The following PCDH15 variants were observed in gnomAD, a reference collection of about 807,000 sequenced individuals.
PCDH15 encodes protocadherin-15.
Under a neutral mutation model 178.5 loss-of-function variants are expected in PCDH15, and 129 were observed. The observed-to-expected ratio is 0.72, with a 90% CI of 0.63 to 0.84. The LOEUF (loss-of-function observed/expected upper bound fraction) is 0.84. PCDH15 is among the 40% of genes least tolerant of loss of function. PCDH15 has a pLI of 0.00. For missense variants in PCDH15, 2,230 were observed against 2,099.9 expected (o/e 1.06, Z -1.21); for synonymous variants, 800 against 732.0 (o/e 1.09, Z -1.50).
chr10:54,532,117 G>A (rs2083991004), intron 2 of PCDH15, among the ~76,000 whole-genome samples: 1 of 152,052 alleles, frequency 6.6e-6, no homozygotes, highest in Non-Finnish European at 1.5e-5. Flanking sequence ...TTTCCTAACT[G>A]CTTTCCTTAC....
At chr10:55,576,965 C>T (rs1172475856) in intron 2 of PCDH15, among the ~76,000 whole-genome samples, 1 of 152,050 alleles carries the variant, frequency 6.6e-6, no homozygotes, top group African/African-American at 2.4e-5. Context: ...GTTTTGAGGC[C>T]AGGCATGGTG....
At chr10:54,101,872 G>A (rs1474460144) in intron 15 of PCDH15, among the ~76,000 whole-genome samples, 1 of 152,104 alleles carries the variant, frequency 6.6e-6, no homozygotes, top group Non-Finnish European at 1.5e-5. Flanking sequence ...CTACTTGGGA[G>A]GCTGAGGTGG....
chr10:55,156,355 G>A (rs769949230), intron 2 of PCDH15, among the ~76,000 whole-genome samples: 2 of 152,112 alleles, frequency 1.3e-5, no homozygotes, highest in Admixed American at 6.6e-5. Flanking sequence ...ATGTACTGAT[G>A]GTTGTGGTCT....
chr10:54,804,941 A>ATATATATATATATATATATATATATG (rs1325598134), upstream of PCDH15, among the ~76,000 whole-genome samples: 11 of 133,222 alleles, frequency 8.3e-5, 1 homozygote, highest in Non-Finnish European at 1.6e-5. Flanking sequence ...ATATATATAT[A>ATATATATATATATATATATATATATG]TATATATACA....
intron 5 of PCDH15, among the ~76,000 whole-genome samples, chr10:54,352,617 T>C (rs181280203): frequency 5.9e-5 from 9 of 152,198 alleles, no homozygotes; most frequent in Non-Finnish European, 1.2e-4. Flanking sequence ...AGGTGCTCTA[T>C]TTCTACTAAT....
At chr10:55,374,120 A>AATAATG (rs1000217113) in intron 2 of PCDH15, among the ~76,000 whole-genome samples, 2 of 150,138 alleles carry the variant, frequency 1.3e-5, no homozygotes. Context: ...TAATAATAAT[A>AATAATG]ATAAAAGAAT....
At chr10:55,407,309 G>C (rs1838222833) in intron 2 of PCDH15, among the ~76,000 whole-genome samples, 1 of 152,142 alleles carries the variant, frequency 6.6e-6, no homozygotes, top group Admixed American at 6.6e-5. Context: ...AAGAAAAAGA[G>C]TAGGGAATGT....
intron 21 of PCDH15, among the ~76,000 whole-genome samples, chr10:53,977,486 T>C (rs966792962): frequency 3.9e-5 from 6 of 152,214 alleles, no homozygotes; most frequent in Admixed American, 6.5e-5. Context: ...CTTACGTGTA[T>C]GTGTATCATG....
chr10:54,334,755 G>C (rs925454827), intron 6 of PCDH15, among the ~76,000 whole-genome samples: 2 of 151,890 alleles, frequency 1.3e-5, no homozygotes, highest in Non-Finnish European at 2.9e-5. Flanking sequence ...CAGAGACTTA[G>C]TACAAAAGTG....
chr10:54,142,099 TTC>T (rs2043461856), intron 14 of PCDH15, among the ~76,000 whole-genome samples: 1 of 152,206 alleles, frequency 6.6e-6, no homozygotes, highest in Non-Finnish European at 1.5e-5. Flanking sequence ...TTGGTCACAG[TTC>T]TGTCACTAAA....
chr10:54,616,477 A>G (rs376437508), intron 2 of PCDH15, among the ~76,000 whole-genome samples: 2 of 152,158 alleles, frequency 1.3e-5, no homozygotes, highest in East Asian at 3.9e-4. Context: ...TATTTTTTCA[A>G]AGTATATTTT....
intron 2 of PCDH15, among the ~76,000 whole-genome samples, chr10:54,938,376 T>C (rs1048926908): frequency 3.3e-5 from 5 of 151,112 alleles, no homozygotes; most frequent in African/African-American, 1.2e-4. Flanking sequence ...TCATTAAAGA[T>C]ATTACTTTAT....
intron 1 of PCDH15, among the ~76,000 whole-genome samples, chr10:54,767,691 T>C (rs766326846): frequency 8.5e-5 from 13 of 152,118 alleles, no homozygotes; most frequent in Non-Finnish European, 1.8e-4. Context: ...CCCTCTGTAA[T>C]ATACCTCCCC....
intron 2 of PCDH15, among the ~76,000 whole-genome samples, chr10:54,539,439 A>C (rs1344804626): frequency 6.6e-6 from 1 of 152,242 alleles, no homozygotes; most frequent in Non-Finnish European, 1.5e-5. Flanking sequence ...AGTTATGCTA[A>C]CTATATACAT....
intron 1 of PCDH15, among the ~76,000 whole-genome samples, chr10:54,785,269 T>C (rs1950749812): frequency 6.6e-6 from 1 of 152,040 alleles, no homozygotes; most frequent in African/African-American, 2.4e-5. Flanking sequence ...GCCTGGAGCC[T>C]GCCTCAACAT....
intron 9 of PCDH15, among the ~76,000 whole-genome samples, chr10:54,214,378 G>T (rs2051772833): frequency 6.6e-6 from 1 of 151,968 alleles, no homozygotes; most frequent in African/African-American, 2.4e-5. Flanking sequence ...TATTTTAATG[G>T]TGCATAAATC....
intron 6 of PCDH15, among the ~76,000 whole-genome samples, chr10:54,339,534 C>A (rs1334451929): frequency 6.6e-6 from 1 of 152,074 alleles, no homozygotes; most frequent in African/African-American, 2.4e-5. Context: ...ACTTAATAAA[C>A]AAAAGGTGAC....
chr10:55,396,170 A>G (rs1837924547), intron 2 of PCDH15, among the ~76,000 whole-genome samples: 1 of 152,170 alleles, frequency 6.6e-6, no homozygotes, highest in South Asian at 2.1e-4. Context: ...CAGGTGAAAT[A>G]TATCTTTGCA....
At chr10:55,028,620 T>C (rs1383229492) in intron 2 of PCDH15, among the ~76,000 whole-genome samples, 1 of 151,932 alleles carries the variant, frequency 6.6e-6, no homozygotes, top group Admixed American at 6.6e-5. Flanking sequence ...TTTCTTGAAA[T>C]GTGATCATTA....
Sources: gnomAD v4.1 joint callset for allele counts (sites outside exome capture counted in the v4.1 genomes callset) on GRCh38, gnomAD v4.1.1 for gene constraint, MANE v1.5 for transcripts, NCBI Gene and HGNC (gene_info 2026-07-23, HGNC 2026-07-21) for gene names.